Variants in PKHD1L1 observed in about 807,000 individuals in gnomAD.
PKHD1L1 encodes PKHD1 like 1.
PKHD1L1 carries 434 observed loss-of-function variants against 462.9 expected under a neutral mutation model. That is an observed-to-expected ratio of 0.94 (90% confidence interval 0.87 to 1.02). PKHD1L1 has a LOEUF of 1.02. Ranked by LOEUF, PKHD1L1 falls within the 50% of genes least tolerant of loss-of-function variation. The pLI, the probability that PKHD1L1 is intolerant of heterozygous loss-of-function variation, is 0.00. For missense variants in PKHD1L1, 5,202 were observed against 5,096.1 expected (o/e 1.02, Z -0.63); for synonymous variants, 1,781 against 1,750.0 (o/e 1.02, Z -0.44).
At chr8:109,470,093 A>G (rs1817644203) in intron 50 of PKHD1L1, 1 of 447,642 alleles carries the variant, frequency 2.2e-6, no homozygotes, top group African/African-American at 2.0e-5. Flanking sequence ...CAACCTTCCT[A>G]AGTAAATTAT....
In PKHD1L1 at chr8:109,518,397, C is replaced by T. The variant is rs1184908953; in HGVS notation, c.11920C>T (p.Arg3974Cys). The part of the protein sequence containing the change: ...LFLKIPSDKI[R>C]ISKIRGKSLR... ...CCTAAAGATACCAAGTGACAAAATCCGTATCAGCAAAATAAGAGGGAAGAG... is the reference window on the plus strand; with the variant it reads ...CCTAAAGATACCAAGTGACAAAATCTGTATCAGCAAAATAAGAGGGAAGAG... The change falls in exon 73 of 78, where the codon CGT becomes TGT. Residue 3974 changes from arginine (R) to cysteine (C), a missense_variant. Transcript: ENST00000378402. 5.6e-6 allele frequency: 9 copies of T among 1,612,868 alleles called. No homozygotes were observed. The highest frequency in any genetic ancestry group is 1.7e-5 in the Admixed American group (1 of 59,878).
chr8:109,520,318 T>A (rs1335189310), intron 73 of PKHD1L1, among the ~76,000 whole-genome samples: 1 of 152,100 alleles, frequency 6.6e-6, no homozygotes, highest in Admixed American at 6.6e-5. Context: ...TACAGATTAC[T>A]CACCTACTCT....
In PKHD1L1 at chr8:109,435,293, G is replaced by A; in HGVS notation, c.3444G>A (p.Glu1148=). Reference sequence around the variant, plus strand: ...TAGCACAGAATGTAGGGGGTGAAGAGTTCTACTTTGTTTATCAGAGTCAGA... The same window carrying A: ...TAGCACAGAATGTAGGGGGTGAAGAATTCTACTTTGTTTATCAGAGTCAGA... ...VGLAQNVGGE[E]FYFVYQSQIS... The change falls in exon 29 of 78, where the codon GAG becomes GAA. Residue 1148 remains glutamate (E), a synonymous_variant. Transcript: ENST00000378402. 1 of 1,613,830 alleles carries A rather than the reference G, an allele frequency of 6.2e-7. No homozygotes were observed. Among genetic ancestry groups the A allele is most frequent in the Non-Finnish European group, 8.5e-7 (1 of 1,179,784 alleles).
chr8:109,476,598 T>C lies in PKHD1L1; in HGVS notation c.8848T>C (p.Leu2950=), dbSNP rs760925875. The part of the protein sequence containing the change: ...IDMRNGSSNP[L]NWNTSKNGDW... ...TATGAGGAATGGTTCCTCAAATCCATTGAATTGGAATACTAGCAAGAATGG... is the reference window on the plus strand; with the variant it reads ...TATGAGGAATGGTTCCTCAAATCCACTGAATTGGAATACTAGCAAGAATGG... Residue 2950 remains leucine (L), a synonymous_variant, in exon 52 of 78, where the codon TTG becomes CTG. Coordinates refer to ENST00000378402, the MANE Select transcript of PKHD1L1 (RefSeq NM_177531.6). The C allele has an allele frequency of 6.3e-7, 1 of 1,591,144 alleles. No individual in the cohort carries two copies. The highest frequency in any genetic ancestry group is 2.3e-5 in the East Asian group (1 of 44,254).
chr8:109,452,979 T>C, intron 43 of PKHD1L1, 105 bp downstream of exon 43: 1 of 1,005,370 alleles, frequency 9.9e-7, no homozygotes, highest in South Asian at 3.0e-5. Flanking sequence ...TGCACTATCT[T>C]TTTAATATAC....
In PKHD1L1 at chr8:109,459,644, G is replaced by A. The variant is rs192406297; in HGVS notation, c.7054G>A (p.Asp2352Asn). 5 of 1,600,116 alleles carry A rather than the reference G, an allele frequency of 3.1e-6. No individual in the cohort carries two copies. In the East Asian group the frequency reaches 1.1e-4, roughly 36 times the overall value. The change falls in exon 47 of 78, where the codon GAT becomes AAT. Residue 2352 changes from aspartate to asparagine, a missense_variant. Coordinates refer to ENST00000378402, the MANE Select transcript of PKHD1L1 (RefSeq NM_177531.6). ...AATGACCATTGCATCTGTGTCTGCT[G>A]ATGGCATAAACATAACACTAAGTAA... ...EKMTIASVSA[D>N]GINITLSNPL...
At position 109,508,261 on chromosome 8, in the gene PKHD1L1, A is replaced by C; in HGVS notation, c.11392A>C (p.Asn3798His). The C allele has an allele frequency of 6.2e-7, 1 of 1,602,556 alleles. No homozygotes were observed. The highest frequency in any genetic ancestry group is 1.3e-5 in the African/African-American group (1 of 74,452). The change falls in exon 70 of 78, where the codon AAT becomes CAT. Residue 3798 changes from asparagine to histidine, a missense_variant. Asn to His is a moderately conservative substitution (Grantham distance 68). This residue lies in a region of PKHD1L1 where 698 missense variants were observed against 736.3 expected (regional missense o/e 0.95). Transcript: ENST00000378402. Reference sequence around the variant, plus strand: ...GGGCAACGGTTATGTTGATCTTATTAATGGTAGGTATTCAATATGAGTAAA... The same window carrying C: ...GGGCAACGGTTATGTTGATCTTATTCATGGTAGGTATTCAATATGAGTAAA... ...IMGNGYVDLINGPQDHGWCAG... is the reference protein window; with the variant it reads ...IMGNGYVDLIHGPQDHGWCAG...
At chr8:109,398,634 T>C (rs967253749) in intron 12 of PKHD1L1, 86 bp downstream of exon 12, 5 of 565,120 alleles carry the variant, frequency 8.8e-6, no homozygotes, top group Non-Finnish European at 1.3e-5. Context: ...ATTTTTAGAA[T>C]TTAGAATTTG....
chr8:109,468,821 C>T (rs116456991), intron 50 of PKHD1L1, among the ~76,000 whole-genome samples: 8 of 152,258 alleles, frequency 5.3e-5, no homozygotes, highest in African/African-American at 1.9e-4. Context: ...TTAGTATAAT[C>T]GGCCACATAT....
In PKHD1L1 at chr8:109,465,235, C is replaced by T. The variant is rs745877359; in HGVS notation, c.8403C>T (p.Gly2801=). The change falls in exon 49 of 78, where the codon GGC becomes GGT. Residue 2801 remains glycine, a synonymous_variant. Transcript: ENST00000378402. ...EHEMVMIDVD[G]SLTGHKGHTV... ...AAATGGTAATGATTGATGTTGATGG[C>T]TCACTTACAGGTAATGTTATTTTTT... 4 of 1,612,032 alleles carry T rather than the reference C, an allele frequency of 2.5e-6. No individual in the cohort carries two copies. In the South Asian group the frequency reaches 4.4e-5, roughly 18 times the overall value.
intron 37 of PKHD1L1, 94 bp from the exon 38 acceptor site, chr8:109,444,567 A>G: frequency 3.4e-6 from 4 of 1,169,232 alleles, no homozygotes; most frequent in Non-Finnish European, 4.8e-6. Flanking sequence ...GCACATGATT[A>G]ACTTTTAAAA....
At position 109,492,219 on chromosome 8, in the gene PKHD1L1, T is replaced by C. The variant is rs959127388; in HGVS notation, c.10236+225T>C. On this transcript the variant is annotated intron_variant, in intron 62 of 77. Transcript: ENST00000378402. ...ATTTCAAGTTCCAGTACAGGGCCTC[T>C]TTGCTGCTGCTCGACTGAGTGCTTT... Among the ~76,000 whole-genome samples, 9 of 151,918 alleles carry C rather than the reference T, an allele frequency of 5.9e-5. No homozygotes were observed. The East Asian group carries it at 9.7e-4, about 16-fold the overall frequency.
chr8:109,515,090 C>T, intron 71 of PKHD1L1, 80 bp from the exon 72 acceptor site: 3 of 1,142,720 alleles, frequency 2.6e-6, no homozygotes, highest in East Asian at 5.4e-5. Flanking sequence ...AGAAAGTATA[C>T]AATATTGAAG....
chr8:109,362,876 TGC>T (rs1811050018), intron 1 of PKHD1L1, among the ~76,000 whole-genome samples: 1 of 152,162 alleles, frequency 6.6e-6, no homozygotes, highest in East Asian at 1.9e-4. Flanking sequence ...AGAAAGAGAT[TGC>T]GAGAGATTGC....
At chr8:109,403,279 TA>T (rs1813366585) in intron 14 of PKHD1L1, among the ~76,000 whole-genome samples, 1 of 152,210 alleles carries the variant, frequency 6.6e-6, no homozygotes, top group Non-Finnish European at 1.5e-5. Context: ...CTCATATTGC[TA>T]AATCATTTTA....
At position 109,385,610 on chromosome 8, in the gene PKHD1L1, GA is replaced by G; in HGVS notation, c.554del (p.Asn185MetfsTer5). ...GSNIALSSNG[K>X]NVRILRVYIG... is the part of the protein sequence containing the mutation. ...GTAATATTGCACTAAGCTCAAATGG[GA>G]AAAATGTTAGGATTTTGAGGTAATC... On this transcript the variant is annotated frameshift_variant, in exon 6 of 78. Coordinates refer to ENST00000378402, the MANE Select transcript of PKHD1L1 (RefSeq NM_177531.6). LOFTEE classifies it high-confidence loss of function. 1 of 1,595,164 alleles carries G rather than the reference GA, an allele frequency of 6.3e-7. No individual in the cohort carries two copies. The highest frequency in any genetic ancestry group is 8.6e-7 in the Non-Finnish European group (1 of 1,165,874).
intron 72 of PKHD1L1, among the ~76,000 whole-genome samples, chr8:109,517,200 T>C (rs1820314761): frequency 6.6e-6 from 1 of 152,128 alleles, no homozygotes; most frequent in African/African-American, 2.4e-5. Flanking sequence ...TAGTGGTGTT[T>C]TTCTGAAACA....
At position 109,481,582 on chromosome 8, in the gene PKHD1L1, A is replaced by C. The variant is rs1044856813; in HGVS notation, c.9457+20A>C. ...TCTTAGGTGTGTGTCTACAGATACC[A>C]AAAGTGTCACATCTGTTTTAAGAAT... is the stretch of plus-strand genomic sequence containing the variant. On this transcript the variant is annotated intron_variant, in intron 56 of 77. Transcript: ENST00000378402. The C allele has an allele frequency of 1.6e-5, 24 of 1,537,110 alleles. No homozygotes were observed. Among genetic ancestry groups the C allele is most frequent in the Non-Finnish European group, 2.1e-5 (24 of 1,146,168 alleles).
chr8:109,385,009 T>C (rs1458371972), intron 5 of PKHD1L1, among the ~76,000 whole-genome samples: 1 of 151,980 alleles, frequency 6.6e-6, no homozygotes, highest in Non-Finnish European at 1.5e-5. Context: ...TTAAAACATG[T>C]TAATGATTTT....
Sources: gnomAD v4.1 joint callset for allele counts (sites outside exome capture counted in the v4.1 genomes callset) on GRCh38, gnomAD v4.1.1 for gene constraint, gnomAD v4.1.1 regional missense constraint, MANE v1.5 for transcripts, NCBI Gene and HGNC (gene_info 2026-07-23, HGNC 2026-07-21) for gene names.